The following KCND2 variants were observed in gnomAD, a reference collection of about 807,000 sequenced individuals.
KCND2 encodes the protein A-type voltage-gated potassium channel KCND2.
Under a neutral mutation model 54.4 loss-of-function variants are expected in KCND2, and 16 were observed. That is an observed-to-expected ratio of 0.29 (90% CI 0.20 to 0.45). KCND2 has a LOEUF of 0.45. KCND2 is among the 20% of genes least tolerant of loss of function. The pLI is 1.00. For missense variants in KCND2, 486 were observed against 824.2 expected (o/e 0.59, Z 5.02); for synonymous variants, 317 against 310.7 (o/e 1.02, Z -0.21).
intron 1 of KCND2, among the ~76,000 whole-genome samples, chr7:120,675,337 A>G (rs114151013): frequency 0.022 from 3,275 of 151,712 alleles, 107 homozygotes; most frequent in African/African-American, 0.074. Flanking sequence ...GGTTCAAGTG[A>G]TTCTTGTGAC....
intron 1 of KCND2, among the ~76,000 whole-genome samples, chr7:120,581,282 G>A (rs551071620): frequency 1.1e-4 from 17 of 152,096 alleles, no homozygotes; most frequent in South Asian, 2.1e-4. Context: ...TTTGTTTCTC[G>A]CTTTCCTATA....
intron 1 of KCND2, among the ~76,000 whole-genome samples, chr7:120,502,633 T>C (rs1164172286): frequency 6.6e-6 from 1 of 152,066 alleles, no homozygotes; most frequent in African/African-American, 2.4e-5. Context: ...CTGCATGTTC[T>C]TTTCTTGAAC....
intron 1 of KCND2, among the ~76,000 whole-genome samples, chr7:120,687,688 T>C (rs1792221135): frequency 6.6e-6 from 1 of 152,142 alleles, no homozygotes; most frequent in African/African-American, 2.4e-5. Context: ...CATCATGTTG[T>C]ACATAATAAA....
intron 1 of KCND2, among the ~76,000 whole-genome samples, chr7:120,339,292 G>T (rs1284322174): frequency 2.0e-5 from 3 of 151,628 alleles, no homozygotes; most frequent in African/African-American, 7.3e-5. Context: ...CCCCATTACT[G>T]CAGTATTCAA....
At chr7:120,641,939 A>T (rs549702899) in intron 1 of KCND2, among the ~76,000 whole-genome samples, 1 of 152,194 alleles carries the variant, frequency 6.6e-6, no homozygotes, top group Non-Finnish European at 1.5e-5. Flanking sequence ...GTCATTCTTT[A>T]ACAAGATTAG....
At chr7:120,536,795 C>T (rs1213423516) in intron 1 of KCND2, among the ~76,000 whole-genome samples, 1 of 152,174 alleles carries the variant, frequency 6.6e-6, no homozygotes, top group Non-Finnish European at 1.5e-5. Flanking sequence ...TTACTTTCTC[C>T]ACTGAAGTCT....
At chr7:120,535,441 G>C (rs1468370609) in intron 1 of KCND2, among the ~76,000 whole-genome samples, 1 of 152,080 alleles carries the variant, frequency 6.6e-6, no homozygotes, top group African/African-American at 2.4e-5. Context: ...CATGTCACTG[G>C]TCTCTTGGAA....
At chr7:120,339,566 A>G (rs1800210182) in intron 1 of KCND2, among the ~76,000 whole-genome samples, 1 of 151,656 alleles carries the variant, frequency 6.6e-6, no homozygotes, top group African/African-American at 2.4e-5. Flanking sequence ...GGTGAGTAGG[A>G]TATAAGTTTG....
At chr7:120,591,126 A>G (rs558605608) in intron 1 of KCND2, among the ~76,000 whole-genome samples, 1 of 152,330 alleles carries the variant, frequency 6.6e-6, no homozygotes, top group South Asian at 2.1e-4. Context: ...ATATCACCCA[A>G]CATGTTCAAT....
At chr7:120,726,184 G>C (rs1181648460) in intron 1 of KCND2, among the ~76,000 whole-genome samples, 1 of 152,140 alleles carries the variant, frequency 6.6e-6, no homozygotes, top group African/African-American at 2.4e-5. Context: ...CTCCAGGCAA[G>C]AGAGGTGGAG....
intron 1 of KCND2, among the ~76,000 whole-genome samples, chr7:120,333,182 T>A (rs1219334034): frequency 6.6e-6 from 1 of 152,082 alleles, no homozygotes; most frequent in Non-Finnish European, 1.5e-5. Flanking sequence ...AATTGAGGCT[T>A]AGTAGGAACG....
chr7:120,367,515 G>A (rs73431976), intron 1 of KCND2, among the ~76,000 whole-genome samples: 1,662 of 151,326 alleles, frequency 0.011, 36 homozygotes, highest in African/African-American at 0.038. Context: ...TCGTAAAGTA[G>A]GTGTTGAGGA....
At chr7:120,646,885 G>C (rs898274288) in intron 1 of KCND2, among the ~76,000 whole-genome samples, 15 of 152,084 alleles carry the variant, frequency 9.9e-5, no homozygotes, top group African/African-American at 3.6e-4. Context: ...CCTTGGTTTT[G>C]TTTACTCAGA....
intron 1 of KCND2, among the ~76,000 whole-genome samples, chr7:120,475,204 CA>C (rs1802516408): frequency 6.6e-6 from 1 of 152,132 alleles, no homozygotes; most frequent in South Asian, 2.1e-4. Flanking sequence ...CCTTAAGAAC[CA>C]AGAGGTAATT....
At chr7:120,455,239 A>C (rs1802177889) in intron 1 of KCND2, among the ~76,000 whole-genome samples, 1 of 152,194 alleles carries the variant, frequency 6.6e-6, no homozygotes, top group Non-Finnish European at 1.5e-5. Flanking sequence ...GTTAATTCTA[A>C]GAGAAAAGAA....
At chr7:120,645,140 A>G (rs2116536319) in intron 1 of KCND2, among the ~76,000 whole-genome samples, 1 of 152,358 alleles carries the variant, frequency 6.6e-6, no homozygotes, top group Admixed American at 6.5e-5. Flanking sequence ...GAGTTCTCAC[A>G]ACTAAATAAA....
chr7:120,588,395 A>T (rs923296651), intron 1 of KCND2, among the ~76,000 whole-genome samples: 1 of 120,780 alleles, frequency 8.3e-6, no homozygotes, highest in African/African-American at 3.1e-5. Flanking sequence ...GAGGGAGGCA[A>T]CTGTGCAGTG....
intron 1 of KCND2, among the ~76,000 whole-genome samples, chr7:120,554,227 TATG>T (rs929465172): frequency 1.3e-5 from 2 of 152,054 alleles, no homozygotes; most frequent in African/African-American, 4.8e-5. Flanking sequence ...TTAGTGTAAA[TATG>T]ATGATGTTCT....
intron 1 of KCND2, among the ~76,000 whole-genome samples, chr7:120,284,874 TAACAG>T: frequency 6.6e-6 from 1 of 152,094 alleles, no homozygotes; most frequent in Non-Finnish European, 1.5e-5. Flanking sequence ...ATTAAAAACA[TAACAG>T]AGCAGCATCA....
Sources: allele counts gnomAD v4.1 joint callset (sites outside exome capture counted in the v4.1 genomes callset), GRCh38; gene constraint gnomAD v4.1.1; transcripts MANE v1.5; gene names NCBI Gene and HGNC (gene_info 2026-07-23, HGNC 2026-07-21).